The following RPS6KA4 variants were observed in gnomAD, a reference collection of about 807,000 sequenced individuals.
The protein encoded by RPS6KA4 is ribosomal protein S6 kinase A4.
RPS6KA4 carries 38 observed loss-of-function variants against 89.6 expected under a neutral mutation model. That is an observed-to-expected ratio of 0.42 (90% CI 0.33 to 0.56). The LOEUF is 0.56. Ranked by LOEUF, RPS6KA4 falls within the 20% of genes least tolerant of loss-of-function variation. The probability of loss-of-function intolerance (pLI) is 0.07; values close to 1 mark genes in which losing one functional copy is unlikely to be tolerated. For missense variants in RPS6KA4, 873 were observed against 1,098.8 expected, an observed-to-expected ratio of 0.79 and a Z score of 2.90; for synonymous variants, 495 against 492.8, an observed-to-expected ratio of 1.00 and a Z score of -0.06.
intron 9 of RPS6KA4, among the ~76,000 whole-genome samples, chr11:64,366,180 T>G (rs112393480): frequency 8.7e-6 from 1 of 114,770 alleles, no homozygotes; most frequent in Middle Eastern, 4.2e-3. Context: ...TTTTTTTTTT[T>G]TTTTTTTTTG....
In RPS6KA4 at chr11:64,368,210, G is replaced by A. The variant is rs1348207276; in HGVS notation, c.1150G>A (p.Ala384Thr). 1 of 1,613,622 alleles carries A rather than the reference G, an allele frequency of 6.2e-7. No individual in the cohort carries two copies. Among genetic ancestry groups the A allele is most frequent in the Non-Finnish European group, 8.5e-7 (1 of 1,180,040 alleles). ...VMTDGLEAPG[A>T]GDRPGRAAVA... Reference sequence around the variant, plus strand: ...GACCGATGGGCTGGAAGCGCCTGGTGCTGGAGACCGGCCAGGTCGGGCAGC... The same window carrying A: ...GACCGATGGGCTGGAAGCGCCTGGTACTGGAGACCGGCCAGGTCGGGCAGC... Residue 384 changes from alanine (A) to threonine (T), a missense_variant, in exon 10 of 17, where the codon GCT (alanine) becomes ACT (threonine). Physicochemically the swap from Ala to Thr is moderately conservative, Grantham distance 58. Around this residue, in one of 4 missense-constraint regions of RPS6KA4, gnomAD observed 542 missense variants for 736.4 expected, o/e 0.74. Coordinates refer to ENST00000334205, the MANE Select transcript of RPS6KA4 (RefSeq NM_003942.3).
At position 64,370,872 on chromosome 11, in the gene RPS6KA4, G is replaced by A. The variant is rs1591322191; in HGVS notation, c.2121+146G>A. 7 of 1,019,184 alleles carry A rather than the reference G, an allele frequency of 6.9e-6. No homozygotes were observed. Among genetic ancestry groups the A allele is most frequent in the Admixed American group, 3.0e-5 (1 of 33,410 alleles). The allele number at this position is 1,019,184 out of a possible 1,614,324, so 63.1% of individuals were successfully genotyped here. On this transcript the variant is annotated intron_variant, in intron 16 of 16. Transcript: ENST00000334205. This position sits in a 1 kb window ranked among gnomAD's most constrained non-coding sequence, Gnocchi z 4.1. ...TGTAATCCCAGCGCTTTGGGAGGCC[G>A]AGGCGGGCGGATCACGAGGTCAGGG...
At chr11:64,366,203 ACT>A (rs2036880825) in intron 9 of RPS6KA4, among the ~76,000 whole-genome samples, 1 of 135,464 alleles carries the variant, frequency 7.4e-6, no homozygotes, top group Non-Finnish European at 1.5e-5. Context: ...ACGGAGTCTC[ACT>A]CTGTCTCCAG....
Position 64,361,369 on chromosome 11 carries a change from C to T in RPS6KA4, c.571-100C>T. On this transcript the variant is annotated intron_variant, in intron 5 of 16. Transcript: ENST00000334205. This position sits in a 1 kb window ranked among gnomAD's most constrained non-coding sequence, Gnocchi z 4.7. ...TCCAAGAAGTTTCCACAGCTCAGCT[C>T]TCCAACCTCACAAGTTGAGCGAGTC... The T allele has an allele frequency of 1.3e-6, 2 of 1,497,036 alleles. No individual in the cohort carries two copies. The highest frequency in any genetic ancestry group is 9.2e-7 in the Non-Finnish European group (1 of 1,082,666). 92.7% of individuals were successfully genotyped at this position (1,497,036 alleles called of 1,614,324 possible). A position where few individuals can be genotyped will look rare whatever the true frequency, so the allele number is the denominator to read the frequency against.
Position 64,360,566 on chromosome 11 carries a change from G to T in RPS6KA4, c.436G>T (p.Val146Leu). The change falls in exon 4 of 17, where the codon GTG (valine) becomes TTG (leucine). Residue 146 changes from valine (V) to leucine (L), a missense_variant. By Grantham distance (32) the Val-to-Leu change is conservative. Around this residue, in one of 4 missense-constraint regions of RPS6KA4, gnomAD observed 542 missense variants for 736.4 expected, o/e 0.74. Transcript: ENST00000334205. ...GGTGCGCGTGTATGGGGGTGAGATC[G>T]TGCTGGCCCTGGAACACCTGCACAA... is the stretch of plus-strand genomic sequence containing the variant. ...AEVRVYGGEIVLALEHLHKLG... is the reference protein window; with the variant it reads ...AEVRVYGGEILLALEHLHKLG... 1.2e-6 allele frequency: 2 copies of T among 1,610,748 alleles called. No individual in the cohort carries two copies. Among genetic ancestry groups the T allele is most frequent in the Non-Finnish European group, 1.7e-6 (2 of 1,178,610 alleles).
chr11:64,360,207 G>T lies in RPS6KA4; in HGVS notation c.172G>T (p.Ala58Ser). The change falls in exon 3 of 17, where the codon GCG becomes TCG. Residue 58 changes from alanine to serine, a missense_variant. This residue lies in a region of RPS6KA4 where 542 missense variants were observed against 736.4 expected (regional missense o/e 0.74). Coordinates refer to ENST00000334205, the MANE Select transcript of RPS6KA4 (RefSeq NM_003942.3). ...GGTGCGGAAGGCGGGCGGGCACGAC[G>T]CGGGGAAGCTGTACGCCATGAAGGT... ...FLVRKAGGHDAGKLYAMKVLR... is the reference protein window; with the variant it reads ...FLVRKAGGHDSGKLYAMKVLR... 6.5e-7 allele frequency: 1 copy of T among 1,548,240 alleles called. No homozygotes were observed. Among genetic ancestry groups the T allele is most frequent in the South Asian group, 1.2e-5 (1 of 83,934 alleles).
Position 64,371,426 on chromosome 11 carries a change from C to G in RPS6KA4, c.2265C>G (p.Pro755=), listed in dbSNP as rs772564706. 21 of 1,603,468 alleles carry G rather than the reference C, an allele frequency of 1.3e-5. No individual in the cohort carries two copies. Among genetic ancestry groups the G allele is most frequent in the Non-Finnish European group, 1.7e-5 (20 of 1,175,166 alleles). Residue 755 remains proline, a synonymous_variant, in exon 17 of 17, where the codon CCC becomes CCG. Transcript: ENST00000334205. The stretch of plus-strand genomic sequence containing the variant: ...CACCAGCCAACCCGGGCCGAGCCCC[C>G]GTCGCCTCCAAAGGGGCCCCCCGCC... ...SPAPANPGRA[P]VASKGAPRRA... is the part of the protein sequence containing the mutation.
At chr11:64,367,745 C>T (rs550120227) in intron 9 of RPS6KA4, among the ~76,000 whole-genome samples, 3 of 152,204 alleles carry the variant, frequency 2.0e-5, no homozygotes, top group Admixed American at 1.3e-4. Flanking sequence ...AGCCAAAGTC[C>T]GGCTTGAAAG....
In RPS6KA4 at chr11:64,371,153, G is replaced by A. The variant is rs2037061275; in HGVS notation, c.2122-130G>A. 1.0e-5 allele frequency: 8 copies of A among 780,592 alleles called. No homozygotes were observed. The Admixed American group carries it at 1.9e-4, about 19-fold the overall frequency. The allele number at this position is 780,592 out of a possible 1,614,324, so 48.4% of individuals were successfully genotyped here. On this transcript the variant is annotated intron_variant, in intron 16 of 16. Transcript: ENST00000334205. ...GGAGGTGAACCGAATCCGGTGGTCG[G>A]TCTGGAGGCCAAGGCCCTGTCGGCC...
chr11:64,368,309 C>G, intron 10 of RPS6KA4, 49 bp downstream of exon 10: 1 of 1,598,340 alleles, frequency 6.3e-7, no homozygotes, highest in Non-Finnish European at 8.5e-7. Flanking sequence ...TAGGAGAGGC[C>G]TAGGCCCGGG....
At position 64,370,124 on chromosome 11, in the gene RPS6KA4, G is replaced by A; in HGVS notation, c.1798-101G>A. Reference sequence around the variant, plus strand: ...CAGGGTTCACCACGCGTGGGTCTCAGGAGTGCCCCTAGTGGGGAGGGTGAG... The same window carrying A: ...CAGGGTTCACCACGCGTGGGTCTCAAGAGTGCCCCTAGTGGGGAGGGTGAG... On this transcript the variant is annotated intron_variant, in intron 14 of 16. Transcript: ENST00000334205. The surrounding 1 kb of genome is among the most constrained non-coding windows in gnomAD (Gnocchi z 4.1). 1 of 1,365,198 alleles carries A rather than the reference G, an allele frequency of 7.3e-7. No homozygotes were observed. Among genetic ancestry groups the A allele is most frequent in the Non-Finnish European group, 9.9e-7 (1 of 1,014,568 alleles). The allele number at this position is 1,365,198 out of a possible 1,614,324, so 84.6% of individuals were successfully genotyped here.
At position 64,361,038 on chromosome 11, in the gene RPS6KA4, T is replaced by TGC; in HGVS notation, c.463-96_463-95insGC. 1 of 970,148 alleles carries TGC rather than the reference T, an allele frequency of 1.0e-6. No individual in the cohort carries two copies. 60.1% of individuals were successfully genotyped at this position (970,148 alleles called of 1,614,324 possible). A position where few individuals can be genotyped will look rare whatever the true frequency, so the allele number is the denominator to read the frequency against. ...CCCCCTCTACAGGCAGATGACTTTC[T>TGC]CTGGGGGGTCTCCTTATCCTGAGCA... On this transcript the variant is annotated intron_variant, in intron 4 of 16. Transcript: ENST00000334205. This position sits in a 1 kb window ranked among gnomAD's most constrained non-coding sequence, Gnocchi z 4.7.
chr11:64,368,867 C>A (rs866417846), intron 12 of RPS6KA4, 70 bp downstream of exon 12: 3 of 1,362,600 alleles, frequency 2.2e-6, no homozygotes, highest in Admixed American at 2.2e-5. Context: ...GCACTATGGG[C>A]GGGATCTAGG....
chr11:64,368,848 G>A, intron 12 of RPS6KA4, 51 bp downstream of exon 12: 1 of 1,493,836 alleles, frequency 6.7e-7, no homozygotes, highest in East Asian at 2.5e-5. Flanking sequence ...CAGGCGGCGG[G>A]GCTTGGGGGC....
chr11:64,369,364 G>A (rs961779830), intron 12 of RPS6KA4, 82 bp from the exon 13 acceptor site: 1 of 1,426,098 alleles, frequency 7.0e-7, no homozygotes, highest in Non-Finnish European at 9.3e-7. Context: ...AGGGCCCGAA[G>A]GCCGGGGGCG....
At chr11:64,368,111 C>G in intron 9 of RPS6KA4, 21 bp from the exon 10 acceptor site, 1 of 1,612,080 alleles carries the variant, frequency 6.2e-7, no homozygotes, top group South Asian at 1.1e-5. Context: ...CATGCCCATT[C>G]CCCGGACTCC....
intron 8 of RPS6KA4, among the ~76,000 whole-genome samples, chr11:64,362,585 C>T (rs1591311900): frequency 1.3e-5 from 2 of 152,336 alleles, no homozygotes; most frequent in Admixed American, 1.3e-4. Context: ...GCCTGGCCAG[C>T]GTCATCGCCC....
At chr11:64,359,694 TG>T in intron 2 of RPS6KA4, 1 of 566,790 alleles carries the variant, frequency 1.8e-6, no homozygotes, top group East Asian at 3.0e-5. Flanking sequence ...GCCAACACCC[TG>T]GGGAGGGGGA....
chr11:64,359,522 C>A, intron 2 of RPS6KA4, 73 bp downstream of exon 2: 1 of 1,527,996 alleles, frequency 6.5e-7, no homozygotes, highest in South Asian at 1.2e-5. Context: ...CACTCTTGGG[C>A]CTGGGCCAGG....
Sources: allele counts gnomAD v4.1 joint callset (sites outside exome capture counted in the v4.1 genomes callset), GRCh38; gene constraint gnomAD v4.1.1; regional missense constraint gnomAD v4.1.1; non-coding constraint Gnocchi (gnomAD v3.1); transcripts MANE v1.5; gene names NCBI Gene and HGNC (gene_info 2026-07-23, HGNC 2026-07-21).